Variants in MICAL2 observed in about 807,000 individuals in gnomAD.
MICAL2 encodes [F-actin]-monooxygenase MICAL2.
Under a neutral mutation model 127.3 loss-of-function variants are expected in MICAL2, and 77 were observed. That is an observed-to-expected ratio of 0.60 (90% CI 0.50 to 0.73). The LOEUF (loss-of-function observed/expected upper bound fraction) is 0.73. MICAL2 is among the 30% of genes least tolerant of loss of function. The pLI is 0.00. For missense variants in MICAL2, 1,351 were observed against 1,434.4 expected, an observed-to-expected ratio of 0.94 and a Z score of 0.94; for synonymous variants, 570 against 551.1, an observed-to-expected ratio of 1.03 and a Z score of -0.48.
chr11:12,294,229 CA>C (rs1863943977), downstream of MICAL2: 1 of 1,614,008 alleles, frequency 6.2e-7, no homozygotes, highest in Non-Finnish European at 8.5e-7. Context: ...TGCCTCCACC[CA>C]AGTCCCCACT....
At chr11:12,261,095 G>A (rs757354765) in intron 26 of MICAL2, 8 of 985,520 alleles carry the variant, frequency 8.1e-6, no homozygotes, top group Non-Finnish European at 9.6e-6. Flanking sequence ...AGGCCAAGTG[G>A]AGTGGAAGAC....
chr11:12,270,917 C>T (rs1466201117), intron 24 of MICAL2, among the ~76,000 whole-genome samples: 1 of 152,168 alleles, frequency 6.6e-6, no homozygotes, highest in African/African-American at 2.4e-5. Flanking sequence ...AAAGCAGCAG[C>T]AATTTCACCC....
intron 3 of MICAL2, among the ~76,000 whole-genome samples, chr11:12,173,241 G>A (rs917151271): frequency 2.6e-5 from 4 of 152,176 alleles, no homozygotes; most frequent in South Asian, 2.1e-4. Flanking sequence ...ACAGGGTAGC[G>A]AGCTATACCA....
downstream of MICAL2, among the ~76,000 whole-genome samples, chr11:12,264,170 C>T (rs1378705534): frequency 1.3e-5 from 2 of 152,180 alleles, no homozygotes; most frequent in African/African-American, 4.8e-5. Context: ...ATGAACCTTA[C>T]ACTAATTTAG....
In MICAL2 at chr11:12,258,573, C is replaced by T; in HGVS notation, c.3231+17C>T. ...CAAAGAGAGGTATGTTTGTCTCAAA[C>T]ATGCTGGTGAAACGGGGAAGGCCCC... On this transcript the variant is annotated intron_variant, in intron 25 of 27. Transcript: ENST00000683283. 1 of 1,608,028 alleles carries T rather than the reference C, an allele frequency of 6.2e-7. No homozygotes were observed. The highest frequency in any genetic ancestry group is 8.5e-7 in the Non-Finnish European group (1 of 1,175,494).
intron 15 of MICAL2, among the ~76,000 whole-genome samples, chr11:12,233,546 A>G (rs1286229241): frequency 6.6e-6 from 1 of 152,234 alleles, no homozygotes; most frequent in Non-Finnish European, 1.5e-5. Context: ...GAACATGGTT[A>G]TCTTGTGCTG....
chr11:12,301,199 C>T (rs746730090), intron 29 of MICAL2, among the ~76,000 whole-genome samples: 4 of 152,214 alleles, frequency 2.6e-5, no homozygotes, highest in Non-Finnish European at 5.9e-5. Flanking sequence ...GATTCAATTA[C>T]CCATCCCTGG....
At chr11:12,216,809 CTG>C (rs938378710) in intron 8 of MICAL2, among the ~76,000 whole-genome samples, 64 of 152,342 alleles carry the variant, frequency 4.2e-4, no homozygotes, top group African/African-American at 1.4e-3. Context: ...TGTGGGCAAA[CTG>C]TGTATCCTTC....
intron 1 of MICAL2, among the ~76,000 whole-genome samples, chr11:12,136,471 C>T (rs765685385): frequency 5.9e-5 from 9 of 152,160 alleles, no homozygotes; most frequent in Non-Finnish European, 2.9e-5. Flanking sequence ...AATACCTGTA[C>T]ACAGGTTAAT....
intron 29 of MICAL2, among the ~76,000 whole-genome samples, chr11:12,314,905 A>T (rs911485100): frequency 6.6e-6 from 1 of 152,016 alleles, no homozygotes; most frequent in Non-Finnish European, 1.5e-5. Flanking sequence ...ACAGTCCTGA[A>T]TGTGCATGGA....
intron 2 of MICAL2, among the ~76,000 whole-genome samples, chr11:12,161,175 A>G (rs1028872254): frequency 2.6e-5 from 4 of 152,210 alleles, no homozygotes; most frequent in African/African-American, 9.6e-5. Flanking sequence ...GCTTTGGAAA[A>G]TCAGCTCTAC....
chr11:12,335,473 C>T (rs1337361912), intron 32 of MICAL2, among the ~76,000 whole-genome samples: 2 of 152,026 alleles, frequency 1.3e-5, no homozygotes, highest in East Asian at 1.9e-4. Flanking sequence ...TCCCATTTGT[C>T]AATTTTGGCT....
chr11:12,249,084 G>A, intron 21 of MICAL2, 100 bp from the exon 22 acceptor site: 2 of 1,503,868 alleles, frequency 1.3e-6, no homozygotes, highest in South Asian at 2.5e-5. Context: ...TATGCAAAAT[G>A]CCTGAAGTAT....
chr11:12,121,034 C>A (rs1202970755), intron 1 of MICAL2, among the ~76,000 whole-genome samples: 1 of 152,188 alleles, frequency 6.6e-6, no homozygotes, highest in African/African-American at 2.4e-5. Context: ...AGGGAGTCTG[C>A]AAGCAAAATG....
At chr11:12,188,013 C>T (rs1293025169) in intron 3 of MICAL2, among the ~76,000 whole-genome samples, 1 of 152,166 alleles carries the variant, frequency 6.6e-6, no homozygotes, top group African/African-American at 2.4e-5. Flanking sequence ...TCCTCCTCCT[C>T]CCATCCATAT....
chr11:12,296,034 A>T (rs1015409224), downstream of MICAL2, among the ~76,000 whole-genome samples: 1 of 152,130 alleles, frequency 6.6e-6, no homozygotes, highest in African/African-American at 2.4e-5. Flanking sequence ...AAATTAATAT[A>T]TCAAATAATC....
upstream of MICAL2, among the ~76,000 whole-genome samples, chr11:12,274,042 A>G (rs1295457688): frequency 6.6e-6 from 1 of 152,132 alleles, no homozygotes; most frequent in Non-Finnish European, 1.5e-5. Flanking sequence ...GGGGGTGAGG[A>G]CTGGGATTAA....
rs539787510 is a variant in MICAL2, at chr11:12,329,108, C to T, written c.5515+1842C>T. On this transcript the variant is annotated intron_variant, in intron 32 of 34. Transcript: ENST00000646065. ...TTAGCTAAAATAATTTATGTAATAT[C>T]CATAGCCAGTGCCTGGCATGGAGCA... Among the ~76,000 whole-genome samples the T allele has an allele frequency of 2.0e-5, 3 of 152,322 alleles. No individual in the cohort carries two copies. In the South Asian group the frequency reaches 6.2e-4, roughly 32 times the overall value.
intron 3 of MICAL2, among the ~76,000 whole-genome samples, chr11:12,171,822 C>A (rs1366377401): frequency 1.3e-5 from 2 of 152,130 alleles, no homozygotes; most frequent in African/African-American, 4.8e-5. Flanking sequence ...TAATGTTAAA[C>A]TTTCTATTAG....
Sources: allele counts gnomAD v4.1 joint callset (sites outside exome capture counted in the v4.1 genomes callset), GRCh38; gene constraint gnomAD v4.1.1; transcripts MANE v1.5; gene names NCBI Gene and HGNC (gene_info 2026-07-23, HGNC 2026-07-21).